Variants in PID1 observed in about 807,000 individuals in gnomAD.
The protein encoded by PID1 is phosphotyrosine interaction domain containing 1, also known as PTB-containing, cubilin and LRP1-interacting protein.
A neutral mutation model predicts 19.1 loss-of-function variants in PID1; 10 were observed. The ratio of observed to expected loss-of-function variants is 0.52; its 90% CI spans 0.32 to 0.89. PID1 has a LOEUF of 0.89. Among genes scored for constraint, PID1 ranks in the 40% least tolerant of loss-of-function variants. The pLI, the probability that PID1 is intolerant of heterozygous loss-of-function variation, is 0.03. For synonymous variants in PID1, 130 were observed against 116.0 expected, an observed-to-expected ratio of 1.12 and a Z score of -0.78; for missense variants, 248 against 285.3, an observed-to-expected ratio of 0.87 and a Z score of 0.94.
In PID1 at chr2:229,085,102, C is replaced by T. The variant is rs145923759; in HGVS notation, c.178-58994G>A. 1.6e-4 allele frequency among the ~76,000 whole-genome samples: 24 copies of T among 151,722 alleles called. No individual in the cohort carries two copies. In the East Asian group the frequency reaches 4.6e-3, roughly 29 times the overall value. On this transcript the variant is annotated intron_variant, in intron 2 of 2. Coordinates refer to ENST00000392055, the MANE Select transcript of PID1 (RefSeq NM_001100818.2). The stretch of plus-strand genomic sequence containing the variant: ...TACAAGATAATGCACCATATTTTTT[C>T]TTTAAATAAACTATGACAATTGCAA...
At chr2:229,060,799 T>A (rs575772205) in intron 2 of PID1, among the ~76,000 whole-genome samples, 14 of 152,190 alleles carry the variant, frequency 9.2e-5, no homozygotes, top group African/African-American at 3.1e-4. Context: ...TGTCTTTTTT[T>A]AAAAATAGCC....
intron 1 of PID1, among the ~76,000 whole-genome samples, chr2:229,220,034 T>G (rs1196748020): frequency 4.6e-5 from 7 of 151,886 alleles, no homozygotes; most frequent in African/African-American, 1.7e-4. Flanking sequence ...TCTTTTTTTT[T>G]TTTGAATCAA....
intron 1 of PID1, among the ~76,000 whole-genome samples, chr2:229,224,645 T>A (rs1022048190): frequency 6.6e-6 from 1 of 152,138 alleles, no homozygotes; most frequent in Non-Finnish European, 1.5e-5. Flanking sequence ...CTTTTCAAAA[T>A]GGACAAAATT....
chr2:229,074,339 TA>T (rs1247431599), intron 2 of PID1, among the ~76,000 whole-genome samples: 1 of 150,262 alleles, frequency 6.7e-6, no homozygotes, highest in Non-Finnish European at 1.5e-5. Flanking sequence ...AAGATAATAA[TA>T]AAAGAAGGAT....
intron 2 of PID1, among the ~76,000 whole-genome samples, chr2:229,140,120 C>A (rs1050210858): frequency 6.6e-6 from 1 of 152,104 alleles, no homozygotes; most frequent in Admixed American, 6.6e-5. Context: ...CCGGAAGCTA[C>A]ATAATAGAAT....
intron 1 of PID1, among the ~76,000 whole-genome samples, chr2:229,177,301 G>A (rs957586696): frequency 1.3e-5 from 2 of 152,264 alleles, no homozygotes; most frequent in East Asian, 1.9e-4. Context: ...AGATGGGGAC[G>A]ATTATATATA....
chr2:229,065,699 C>A (rs1405388814), intron 2 of PID1, among the ~76,000 whole-genome samples: 1 of 24,818 alleles, frequency 4.0e-5, no homozygotes, highest in Non-Finnish European at 6.9e-5. Context: ...ACAAATGGGT[C>A]TTTTGTGATT....
chr2:229,154,455 G>A (rs566011520), intron 2 of PID1, among the ~76,000 whole-genome samples: 1 of 152,132 alleles, frequency 6.6e-6, no homozygotes, highest in Non-Finnish European at 1.5e-5. Flanking sequence ...TGTTTACCTA[G>A]ATTTTCTCCT....
intron 2 of PID1, among the ~76,000 whole-genome samples, chr2:229,078,255 G>A (rs1214724404): frequency 2.0e-5 from 3 of 152,320 alleles, no homozygotes; most frequent in Non-Finnish European, 4.4e-5. Context: ...GTGGTATACT[G>A]AGGCTTTGCT....
chr2:229,198,681 C>A (rs1488793269), intron 1 of PID1, among the ~76,000 whole-genome samples: 1 of 152,052 alleles, frequency 6.6e-6, no homozygotes, highest in East Asian at 1.9e-4. Flanking sequence ...CTAGGAGACG[C>A]CCTTGATTCC....
intron 1 of PID1, among the ~76,000 whole-genome samples, chr2:229,161,782 A>T (rs1690497168): frequency 6.6e-6 from 1 of 152,220 alleles, no homozygotes. Flanking sequence ...CATCCCACTT[A>T]GGTGGCACAT....
At chr2:229,238,505 C>T (rs1353099271) in intron 1 of PID1, among the ~76,000 whole-genome samples, 1 of 152,072 alleles carries the variant, frequency 6.6e-6, no homozygotes, top group African/African-American at 2.4e-5. Context: ...GCGTACAGTA[C>T]TTATAAGAAA....
At chr2:229,194,465 A>G (rs1321797442) in intron 1 of PID1, among the ~76,000 whole-genome samples, 1 of 152,068 alleles carries the variant, frequency 6.6e-6, no homozygotes, top group African/African-American at 2.4e-5. Context: ...TTCAAATTCA[A>G]TAGCACATAA....
At chr2:229,100,266 C>A (rs1695050600) in intron 2 of PID1, among the ~76,000 whole-genome samples, 1 of 152,160 alleles carries the variant, frequency 6.6e-6, no homozygotes, top group South Asian at 2.1e-4. Flanking sequence ...ATTTCATACT[C>A]CAAACTCAGT....
intron 2 of PID1, among the ~76,000 whole-genome samples, chr2:229,118,165 A>G (rs1222945671): frequency 6.6e-6 from 1 of 152,174 alleles, no homozygotes; most frequent in Non-Finnish European, 1.5e-5. Flanking sequence ...TGATTTGTTC[A>G]TTATTTTTCT....
intron 2 of PID1, among the ~76,000 whole-genome samples, chr2:229,126,029 CATAGTTATACAGCCTA>C (rs759260154): frequency 2.0e-4 from 30 of 152,276 alleles, no homozygotes; most frequent in Non-Finnish European, 4.3e-4. Context: ...CAATTCTCTG[CATAGTTATACAGCCTA>C]ATTTCTCCTT....
chr2:229,042,858 A>G (rs1693798149), intron 2 of PID1, among the ~76,000 whole-genome samples: 1 of 152,112 alleles, frequency 6.6e-6, no homozygotes, highest in South Asian at 2.1e-4. Flanking sequence ...ATTTGACAAT[A>G]TTGTTACTAT....
chr2:229,255,672 G>A (rs186268841), intron 1 of PID1, among the ~76,000 whole-genome samples: 1 of 152,260 alleles, frequency 6.6e-6, no homozygotes, highest in Admixed American at 6.5e-5. Flanking sequence ...TCATAACAAT[G>A]AGAAGTTTTA....
chr2:229,029,317 C>T (rs1184724915), intron 2 of PID1, among the ~76,000 whole-genome samples: 3 of 124,912 alleles, frequency 2.4e-5, no homozygotes, highest in Non-Finnish European at 3.4e-5. Context: ...TTTTTTGAAG[C>T]CAAAAAAAAA....
Sources: allele counts gnomAD v4.1 joint callset (sites outside exome capture counted in the v4.1 genomes callset), GRCh38; gene constraint gnomAD v4.1.1; transcripts MANE v1.5; gene names NCBI Gene and HGNC (gene_info 2026-07-23, HGNC 2026-07-21).